LRRC4C: variants seen among roughly 807,000 people sequenced by gnomAD.
LRRC4C encodes the protein leucine-rich repeat-containing protein 4C.
In LRRC4C, 5 loss-of-function variants were observed where a neutral mutation model predicts 33.6. That is an observed-to-expected ratio of 0.15 (90% CI 0.08 to 0.31). The LOEUF (loss-of-function observed/expected upper bound fraction) is 0.31. LRRC4C is among the 10% of genes least tolerant of loss of function. LRRC4C has a pLI of 1.00. For synonymous variants in LRRC4C, 329 were observed against 302.0 expected, an observed-to-expected ratio of 1.09 and a Z score of -0.93; for missense variants, 560 against 796.7, an observed-to-expected ratio of 0.70 and a Z score of 3.58.
chr11:41,061,795 T>C (rs1276228428), intron 1 of LRRC4C, among the ~76,000 whole-genome samples: 2 of 152,078 alleles, frequency 1.3e-5, no homozygotes, highest in Non-Finnish European at 2.9e-5. Context: ...TCCTTTAGAA[T>C]TGACAAGCCC....
intron 3 of LRRC4C, among the ~76,000 whole-genome samples, chr11:40,514,229 A>C (rs1484357698): frequency 2.6e-5 from 4 of 152,178 alleles, no homozygotes; most frequent in Non-Finnish European, 4.4e-5. Context: ...ATTTAATAAC[A>C]AAATTAAGAG....
At chr11:40,956,529 T>TA (rs1958963300) in intron 1 of LRRC4C, among the ~76,000 whole-genome samples, 1 of 151,794 alleles carries the variant, frequency 6.6e-6, no homozygotes. Flanking sequence ...ATTTCTCATC[T>TA]GTATAATGGG....
Position 40,336,282 on chromosome 11 carries a change from T to C in LRRC4C, c.-269-16561A>G, listed in dbSNP as rs144292708. 1.8e-3 allele frequency among the ~76,000 whole-genome samples: 274 copies of C among 152,310 alleles called. 2 individuals are homozygous for C. The highest frequency in any genetic ancestry group is 6.0e-3 in the African/African-American group (251 of 41,572). Reference sequence around the variant, plus strand: ...ATCCCAGTTTTTTCTATGGTGATGTTTGTCCATAGAACTGAGTTGCGGCCG... The same window carrying C: ...ATCCCAGTTTTTTCTATGGTGATGTCTGTCCATAGAACTGAGTTGCGGCCG... On this transcript the variant is annotated intron_variant, in intron 3 of 6. Coordinates refer to ENST00000528697, the MANE Select transcript of LRRC4C (RefSeq NM_001258419.2).
chr11:41,112,786 G>A (rs1448326443), intron 1 of LRRC4C, among the ~76,000 whole-genome samples: 1 of 152,022 alleles, frequency 6.6e-6, no homozygotes, highest in African/African-American at 2.4e-5. Flanking sequence ...AAGAGAGTCA[G>A]AGCACATTCA....
At chr11:40,453,226 C>A (rs1172954715) in intron 3 of LRRC4C, among the ~76,000 whole-genome samples, 1 of 151,854 alleles carries the variant, frequency 6.6e-6, no homozygotes. Flanking sequence ...TGCCATGGAG[C>A]CAGCATGGGC....
At chr11:40,847,133 T>C (rs1478414976) in intron 2 of LRRC4C, among the ~76,000 whole-genome samples, 6 of 143,722 alleles carry the variant, frequency 4.2e-5, no homozygotes, top group Non-Finnish European at 7.7e-5. Context: ...TTTGAATACC[T>C]TTCTTTCTTT....
intron 1 of LRRC4C, among the ~76,000 whole-genome samples, chr11:41,152,511 T>C (rs967728929): frequency 6.6e-6 from 1 of 152,170 alleles, no homozygotes; most frequent in African/African-American, 2.4e-5. Flanking sequence ...AGTAACATCT[T>C]CAGCCACTGC....
At chr11:40,311,972 T>C (rs995705863) in intron 4 of LRRC4C, among the ~76,000 whole-genome samples, 1 of 151,524 alleles carries the variant, frequency 6.6e-6, no homozygotes, top group Non-Finnish European at 1.5e-5. Flanking sequence ...AAAGTACTTT[T>C]CCCCTTTCAT....
chr11:41,074,898 G>A (rs1938989327), intron 1 of LRRC4C, among the ~76,000 whole-genome samples: 1 of 152,006 alleles, frequency 6.6e-6, no homozygotes, highest in Non-Finnish European at 1.5e-5. Context: ...TAGAATGGAG[G>A]CCAACGAAAT....
chr11:41,116,414 T>C (rs1237567055), intron 1 of LRRC4C, among the ~76,000 whole-genome samples: 1 of 152,116 alleles, frequency 6.6e-6, no homozygotes, highest in Non-Finnish European at 1.5e-5. Context: ...CAAATAACAA[T>C]GTATTAGTCT....
intron 1 of LRRC4C, among the ~76,000 whole-genome samples, chr11:41,418,720 C>T (rs886174070): frequency 8.6e-5 from 13 of 151,906 alleles, no homozygotes; most frequent in African/African-American, 2.9e-4. Context: ...TCATGCTTAG[C>T]GGGGGTCCAG....
intron 2 of LRRC4C, among the ~76,000 whole-genome samples, chr11:40,749,458 C>CAA (rs68018605): frequency 4.0e-5 from 5 of 125,346 alleles, no homozygotes; most frequent in African/African-American, 1.2e-4. Flanking sequence ...CTATGAGATA[C>CAA]AAAAAAAAAA....
intron 2 of LRRC4C, among the ~76,000 whole-genome samples, chr11:40,808,546 A>C (rs539005331): frequency 1.3e-5 from 2 of 152,026 alleles, no homozygotes; most frequent in South Asian, 4.2e-4. Context: ...TCCTGTTATA[A>C]AGTAAAGGGT....
chr11:41,438,689 T>G (rs575065830), intron 1 of LRRC4C, among the ~76,000 whole-genome samples: 1 of 152,324 alleles, frequency 6.6e-6, no homozygotes, highest in Non-Finnish European at 1.5e-5. Flanking sequence ...GTCTTAATTT[T>G]GGCTCCACGT....
chr11:41,385,425 A>G (rs1232685697), intron 1 of LRRC4C, among the ~76,000 whole-genome samples: 4 of 151,620 alleles, frequency 2.6e-5, no homozygotes, highest in Non-Finnish European at 5.9e-5. Context: ...TACAGAGTAT[A>G]AAGATTGCTA....
intron 3 of LRRC4C, among the ~76,000 whole-genome samples, chr11:40,519,794 C>T (rs1955731729): frequency 6.6e-6 from 1 of 152,112 alleles, no homozygotes; most frequent in African/African-American, 2.4e-5. Flanking sequence ...GATTCCAATC[C>T]TTATAGATTA....
intron 1 of LRRC4C, among the ~76,000 whole-genome samples, chr11:41,158,384 A>G (rs1944324456): frequency 6.6e-6 from 1 of 152,110 alleles, no homozygotes; most frequent in South Asian, 2.1e-4. Context: ...AGAGAAAACC[A>G]CAATTTAGCT....
At chr11:41,193,218 G>C (rs913718079) in intron 1 of LRRC4C, among the ~76,000 whole-genome samples, 1 of 152,088 alleles carries the variant, frequency 6.6e-6, no homozygotes, top group Non-Finnish European at 1.5e-5. Flanking sequence ...TGTACCTGAA[G>C]TTGGAAAGTA....
chr11:40,167,128 G>T (rs1470410831), intron 5 of LRRC4C, among the ~76,000 whole-genome samples: 2 of 152,212 alleles, frequency 1.3e-5, no homozygotes, highest in East Asian at 1.9e-4. Context: ...CTGGACATTT[G>T]CCAGAAGACC....
Sources: allele counts gnomAD v4.1 joint callset (sites outside exome capture counted in the v4.1 genomes callset), GRCh38; gene constraint gnomAD v4.1.1; transcripts MANE v1.5; gene names NCBI Gene and HGNC (gene_info 2026-07-23, HGNC 2026-07-21).